The following LRRC74A variants were observed in gnomAD, a reference collection of about 807,000 sequenced individuals.
LRRC74A encodes the protein leucine-rich repeat-containing protein 74A.
In LRRC74A, 44 loss-of-function variants were observed where a neutral mutation model predicts 57.9. The observed-to-expected ratio is 0.76, with a 90% confidence interval of 0.60 to 0.98. The LOEUF (loss-of-function observed/expected upper bound fraction) is 0.98. Ranked by LOEUF, LRRC74A falls within the 50% of genes least tolerant of loss-of-function variation. LRRC74A has a pLI of 0.00. For missense variants in LRRC74A, 572 were observed against 574.0 expected (o/e 1.00, Z 0.04); for synonymous variants, 211 against 219.4 (o/e 0.96, Z 0.34).
intron 1 of LRRC74A, 30 bp from the exon 2 acceptor site, chr14:76,828,261 G>T: frequency 6.4e-7 from 1 of 1,562,870 alleles, no homozygotes; most frequent in Non-Finnish European, 8.7e-7. Flanking sequence ...TTTTATTCCT[G>T]GCATCAAGGA....
chr14:76,834,001 G>A lies in LRRC74A; in HGVS notation c.340-2206G>A, dbSNP rs558692980. Among the ~76,000 whole-genome samples, 10 of 152,280 alleles carry A rather than the reference G, an allele frequency of 6.6e-5. No individual in the cohort carries two copies. The South Asian group carries it at 1.2e-3, about 19-fold the overall frequency. ...TAAGTTCCTTGTATGATAAGGATAGGCTTATGTGCTATTCAAGTGCCTAGC... is the reference window on the plus strand; with the variant it reads ...TAAGTTCCTTGTATGATAAGGATAGACTTATGTGCTATTCAAGTGCCTAGC... On this transcript the variant is annotated intron_variant, in intron 3 of 13. Coordinates refer to ENST00000689127, the MANE Select transcript of LRRC74A (RefSeq NM_001385106.1).
intron 11 of LRRC74A, among the ~76,000 whole-genome samples, chr14:76,864,088 G>A (rs988565152): frequency 2.0e-5 from 3 of 152,220 alleles, no homozygotes; most frequent in Admixed American, 1.3e-4. Context: ...AAACAGCAGT[G>A]GGTGCCGAGG....
rs183734158 is a variant in LRRC74A, at chr14:76,868,398, G to C, written c.1391+960G>C. Among the ~76,000 whole-genome samples the C allele has an allele frequency of 2.0e-5, 3 of 152,360 alleles. No individual in the cohort carries two copies. The East Asian group carries it at 5.8e-4, about 29-fold the overall frequency. The stretch of plus-strand genomic sequence containing the variant: ...GTGGGGTGATTACTTGAGCTCAGGA[G>C]GCAGAGGCTACAGCCAGCCGAGATT... On this transcript the variant is annotated intron_variant, in intron 13 of 13. Coordinates refer to ENST00000689127, the MANE Select transcript of LRRC74A (RefSeq NM_001385106.1).
intron 1 of LRRC74A, 40 bp downstream of exon 1, chr14:76,826,774 C>T: frequency 7.3e-7 from 1 of 1,371,174 alleles, no homozygotes; most frequent in South Asian, 1.2e-5. Flanking sequence ...AGGCCCGTCC[C>T]TGCTGCCTCA....
chr14:76,839,877 C>A (rs2362860), intron 5 of LRRC74A, among the ~76,000 whole-genome samples: 87,186 of 151,484 alleles, frequency 0.58, 26,106 homozygotes, highest in East Asian at 0.88. Flanking sequence ...ACTATAGGTG[C>A]CCGCCACCAC....
At position 76,842,839 on chromosome 14, in the gene LRRC74A, C is replaced by T. The variant is rs149367972; in HGVS notation, c.545-1584C>T. Among the ~76,000 whole-genome samples, 849 of 152,264 alleles carry T rather than the reference C, an allele frequency of 5.6e-3. 7 individuals carry two copies. The highest frequency in any genetic ancestry group is 0.019 in the African/African-American group (794 of 41,540). On this transcript the variant is annotated intron_variant, in intron 5 of 13. Coordinates refer to ENST00000689127, the MANE Select transcript of LRRC74A (RefSeq NM_001385106.1). ...CTTACATTGCTTAGCAGGGCCACAA[C>T]TCAGGTAAGGTGAGTGAGCCATTTG...
Position 76,860,848 on chromosome 14 carries a change from C to T in LRRC74A, c.1200+9C>T. The stretch of plus-strand genomic sequence containing the variant: ...CCATGAAACTGATCCAGGTGAGCTC[C>T]TGCCTTCCTCTCAGGGCCTCCAGGG... On this transcript the variant is annotated intron_variant, in intron 11 of 13. Transcript: ENST00000689127. 1 of 1,588,938 alleles carries T rather than the reference C, an allele frequency of 6.3e-7. No homozygotes were observed. The highest frequency in any genetic ancestry group is 8.6e-7 in the Non-Finnish European group (1 of 1,164,784).
At chr14:76,857,321 C>T (rs996740289) in intron 9 of LRRC74A, 59 bp from the exon 10 acceptor site, 5 of 1,086,922 alleles carry the variant, frequency 4.6e-6, no homozygotes, top group Non-Finnish European at 6.9e-6. Context: ...AGAAACTGTG[C>T]TCTGGGCCAG....
At chr14:76,860,487 C>T (rs1898212599) in intron 10 of LRRC74A, among the ~76,000 whole-genome samples, 1 of 152,182 alleles carries the variant, frequency 6.6e-6, no homozygotes, top group African/African-American at 2.4e-5. Flanking sequence ...CAAAAACATC[C>T]CATCAAAATT....
intron 5 of LRRC74A, among the ~76,000 whole-genome samples, chr14:76,840,358 C>T (rs1454468698): frequency 2.0e-5 from 3 of 152,092 alleles, no homozygotes; most frequent in Non-Finnish European, 4.4e-5. Flanking sequence ...GGTTTCTACT[C>T]TTAGCTCTCT....
At chr14:76,853,445 GTGTGTGTGTGTGTGTGTT>G (rs1253429268) in intron 9 of LRRC74A, 35 bp downstream of exon 9, 1 of 1,449,918 alleles carries the variant, frequency 6.9e-7, no homozygotes, top group Non-Finnish European at 9.4e-7. Flanking sequence ...GTGTGTGTGT[GTGTGTGTGTGTGTGTGTT>G]TGTGTATGTG....
rs745372627 is a variant in LRRC74A, at chr14:76,870,180, C to A, written c.*31C>A. The A allele has an allele frequency of 6.2e-7, 1 of 1,603,676 alleles. No individual in the cohort carries two copies. Among genetic ancestry groups the A allele is most frequent in the South Asian group, 1.1e-5 (1 of 89,016 alleles). On this transcript the variant is annotated 3_prime_UTR_variant, in exon 14 of 14. Transcript: ENST00000689127. ...AGTCTGGTCTAGAAAGAAGTCTCGG[C>A]GAGAGGAGTCCTCGCAAGTCGGATG...
intron 7 of LRRC74A, among the ~76,000 whole-genome samples, chr14:76,850,554 C>T (rs558245360): frequency 5.3e-5 from 8 of 152,132 alleles, no homozygotes; most frequent in Admixed American, 1.3e-4. Context: ...ATGATCAGAA[C>T]GTAGTGCACT....
At chr14:76,834,572 G>A (rs552355502) in intron 3 of LRRC74A, among the ~76,000 whole-genome samples, 1 of 152,302 alleles carries the variant, frequency 6.6e-6, no homozygotes, top group South Asian at 2.1e-4. Context: ...CGACAGCCTA[G>A]CACTGTACCC....
At position 76,836,139 on chromosome 14, in the gene LRRC74A, C is replaced by T. The variant is rs190274776; in HGVS notation, c.340-68C>T. The T allele has an allele frequency of 3.3e-3, 3,833 of 1,159,804 alleles. 18 individuals carry two copies. The highest frequency in any genetic ancestry group is 7.3e-3 in the South Asian group (537 of 73,358). 71.8% of individuals were successfully genotyped at this position (1,159,804 alleles called of 1,614,324 possible). A position where few individuals can be genotyped will look rare whatever the true frequency, so the allele number is the denominator to read the frequency against. On this transcript the variant is annotated intron_variant, in intron 3 of 13. Transcript: ENST00000689127. The stretch of plus-strand genomic sequence containing the variant: ...GCCCATTCACATGGCTGGCCCAGGG[C>T]GAGCAGGGAACTGACTGGGTCACCA...
At position 76,865,958 on chromosome 14, in the gene LRRC74A, C is replaced by T. The variant is rs140195914; in HGVS notation, c.1201-10C>T. On this transcript the variant is annotated splice_polypyrimidine_tract_variant and intron_variant, in intron 11 of 13. Transcript: ENST00000689127. ...AAGTGTTTGCTCCTGGTCTCTCCTG[C>T]TTCTCTCAGAGCTATGCAGACCAAC... 2,728 of 1,551,924 alleles carry T rather than the reference C, an allele frequency of 1.8e-3. 45 individuals carry two copies. The African/African-American group carries it at 0.033, about 19-fold the overall frequency.
chr14:76,858,629 C>G (rs1217687030), intron 10 of LRRC74A, among the ~76,000 whole-genome samples: 1 of 152,162 alleles, frequency 6.6e-6, no homozygotes, highest in East Asian at 1.9e-4. Flanking sequence ...GAGTCTCACT[C>G]TGTTGCCCAG....
At chr14:76,866,169 G>T (rs564156258) in intron 12 of LRRC74A, 94 bp downstream of exon 12, 30 of 957,160 alleles carry the variant, frequency 3.1e-5, no homozygotes, top group Middle Eastern at 2.1e-4. Flanking sequence ...GAGCAAAAGA[G>T]CTTGTGAGCA....
Position 76,826,563 on chromosome 14 carries a change from G to T in LRRC74A, c.-135G>T, listed in dbSNP as rs757945405. Reference sequence around the variant, plus strand: ...TGCTGGGAGGGAAGGATAACTGCAGGCTCCCCTGGGATGCCCCCAGGTGAG... The same window carrying T: ...TGCTGGGAGGGAAGGATAACTGCAGTCTCCCCTGGGATGCCCCCAGGTGAG... On this transcript the variant is annotated 5_prime_UTR_variant, in exon 1 of 14. Transcript: ENST00000689127. The T allele has an allele frequency of 3.2e-5, 52 of 1,612,552 alleles. No individual in the cohort carries two copies. The highest frequency in any genetic ancestry group is 4.4e-5 in the Non-Finnish European group (52 of 1,179,314).
Sources: allele counts gnomAD v4.1 joint callset (sites outside exome capture counted in the v4.1 genomes callset), GRCh38; gene constraint gnomAD v4.1.1; transcripts MANE v1.5; gene names NCBI Gene and HGNC (gene_info 2026-07-23, HGNC 2026-07-21).